SPAG17: variants seen among roughly 807,000 people sequenced by gnomAD.
SPAG17 encodes sperm-associated antigen 17.
Under a neutral mutation model 273.6 loss-of-function variants are expected in SPAG17, and 169 were observed. The ratio of observed to expected loss-of-function variants is 0.62; its 90% CI spans 0.55 to 0.70. The LOEUF (loss-of-function observed/expected upper bound fraction) is 0.70, where lower values mean the gene tolerates loss of function less well. Ranked by LOEUF, SPAG17 falls within the 30% of genes least tolerant of loss-of-function variation. SPAG17 has a pLI of 0.00. For synonymous variants in SPAG17, 825 were observed against 873.2 expected, an observed-to-expected ratio of 0.94 and a Z score of 0.97; for missense variants, 2,557 against 2,627.8, an observed-to-expected ratio of 0.97 and a Z score of 0.59.
At chr1:118,147,473 A>AT (rs1558045144) in intron 3 of SPAG17, among the ~76,000 whole-genome samples, 1 of 151,590 alleles carries the variant, frequency 6.6e-6, no homozygotes, top group Non-Finnish European at 1.5e-5. Flanking sequence ...TACACAAATA[A>AT]TAATATTCTG....
In SPAG17 at chr1:117,990,909, G is replaced by A; in HGVS notation, c.5476-3C>T. On this transcript the variant is annotated splice_region_variant and splice_polypyrimidine_tract_variant and intron_variant, in intron 37 of 48. Transcript: ENST00000336338. ...GTTTCCTCCATTTTAGGGAAAGACT[G>A]AAATGAAGATAGAATTACTTATGAT... The A allele has an allele frequency of 6.5e-7, 1 of 1,542,952 alleles. No individual in the cohort carries two copies. The highest frequency in any genetic ancestry group is 1.4e-5 in the African/African-American group (1 of 72,460).
intron 15 of SPAG17, among the ~76,000 whole-genome samples, chr1:118,075,048 C>G (rs1006100809): frequency 6.6e-6 from 1 of 152,134 alleles, no homozygotes; most frequent in Admixed American, 6.6e-5. Flanking sequence ...GCAGGCCATG[C>G]GTGCAAAGAG....
chr1:118,087,807 G>T (rs1237573004), intron 10 of SPAG17, among the ~76,000 whole-genome samples: 1 of 152,058 alleles, frequency 6.6e-6, no homozygotes, highest in Non-Finnish European at 1.5e-5. Flanking sequence ...AGTTTCCTCA[G>T]CCTTGGCATT....
chr1:118,036,705 A>G, intron 24 of SPAG17, 65 bp downstream of exon 24: 1 of 1,035,098 alleles, frequency 9.7e-7, no homozygotes, highest in Non-Finnish European at 1.5e-6. Context: ...GCAGACTGAG[A>G]ATGGGCAGTG....
At chr1:117,981,174 T>C in intron 43 of SPAG17, 96 bp downstream of exon 43, 2 of 1,353,304 alleles carry the variant, frequency 1.5e-6, no homozygotes, top group Non-Finnish European at 2.0e-6. Flanking sequence ...TTTTTTTCTG[T>C]AACTCTCAAC....
intron 3 of SPAG17, among the ~76,000 whole-genome samples, chr1:118,132,504 T>C (rs768832630): frequency 6.6e-6 from 1 of 152,204 alleles, no homozygotes; most frequent in Admixed American, 6.5e-5. Context: ...CCCCAGGCTT[T>C]ATTAGATATT....
At chr1:117,970,311 C>G (rs1177325589) in intron 45 of SPAG17, among the ~76,000 whole-genome samples, 195 bp from the exon 46 acceptor site, 3 of 152,222 alleles carry the variant, frequency 2.0e-5, no homozygotes, top group Non-Finnish European at 4.4e-5. Flanking sequence ...GCCTTTCCAA[C>G]AGTTTTCATC....
At chr1:118,046,354 TATAA>T (rs1422221999) in intron 20 of SPAG17, among the ~76,000 whole-genome samples, 3 of 151,692 alleles carry the variant, frequency 2.0e-5, no homozygotes, top group Admixed American at 6.6e-5. Flanking sequence ...AAAAATAAAA[TATAA>T]ATAAATAAAT....
At position 118,074,402 on chromosome 1, in the gene SPAG17, C is replaced by T. The variant is rs184193975; in HGVS notation, c.2271+137G>A. ...CAGTTGGAGCTGCTCTGGGGATGTC[C>T]GAATAGTTCCTCTTTTCTAGCCTCA... On this transcript the variant is annotated intron_variant, in intron 16 of 48. Transcript: ENST00000336338. The T allele has an allele frequency of 8.4e-4, 648 of 772,596 alleles. No individual in the cohort carries two copies. In the African/African-American group the frequency reaches 9.8e-3, roughly 12 times the overall value. 47.9% of individuals were successfully genotyped at this position (772,596 alleles called of 1,614,324 possible). A position where few individuals can be genotyped will look rare whatever the true frequency, so the allele number is the denominator to read the frequency against.
In SPAG17 at chr1:118,025,312, C is replaced by G; in HGVS notation, c.3835G>C (p.Ala1279Pro). ...ATAACCCTTGAAGCCTCCTGCTCTG[C>G]GGGTGGCATCACCGTTTTATAGAAC... ...YEFYKTVMPPAEQEASRVITS... is the reference protein window; with the variant it reads ...YEFYKTVMPPPEQEASRVITS... The change falls in exon 27 of 49, where the codon GCA (alanine) becomes CCA (proline). Residue 1279 changes from alanine (A) to proline (P), a missense_variant. Coordinates refer to ENST00000336338, the MANE Select transcript of SPAG17 (RefSeq NM_206996.4). The G allele has an allele frequency of 6.2e-7, 1 of 1,613,576 alleles. No homozygotes were observed. Among genetic ancestry groups the G allele is most frequent in the Non-Finnish European group, 8.5e-7 (1 of 1,179,742 alleles).
intron 4 of SPAG17, among the ~76,000 whole-genome samples, chr1:118,107,686 T>C (rs1427675261): frequency 6.6e-6 from 1 of 152,100 alleles, no homozygotes; most frequent in Non-Finnish European, 1.5e-5. Context: ...AGGACCCTTA[T>C]AAATCCTTAT....
At chr1:118,063,344 G>A (rs550784776) in intron 18 of SPAG17, among the ~76,000 whole-genome samples, 5 of 152,186 alleles carry the variant, frequency 3.3e-5, no homozygotes, top group African/African-American at 1.2e-4. Context: ...ATACTACAAG[G>A]CTACAGTAAC....
In SPAG17 at chr1:118,156,589, A is replaced by G. The variant is rs1659661548; in HGVS notation, c.88-5220T>C. Among the ~76,000 whole-genome samples the G allele has an allele frequency of 5.3e-5, 8 of 152,176 alleles. No homozygotes were observed. The South Asian group carries it at 8.3e-4, about 16-fold the overall frequency. On this transcript the variant is annotated intron_variant, in intron 1 of 48. Transcript: ENST00000336338. The stretch of plus-strand genomic sequence containing the variant: ...CATATTTCCCAGGAGTGACTTAGAC[A>G]TGCAAGCAGATGTCAGGGGAAGGAG...
At chr1:118,175,417 A>G (rs1323547895) in intron 1 of SPAG17, among the ~76,000 whole-genome samples, 1 of 152,124 alleles carries the variant, frequency 6.6e-6, no homozygotes, top group African/African-American at 2.4e-5. Context: ...GGCATAGAAT[A>G]ATCAAACTCT....
At position 118,142,052 on chromosome 1, in the gene SPAG17, C is replaced by CACTTGTTCCTTAA. The variant is rs1373862167; in HGVS notation, c.315+8490_315+8491insTTAAGGAACAAGT. 4.4e-3 allele frequency among the ~76,000 whole-genome samples: 666 copies of CACTTGTTCCTTAA among 152,260 alleles called. 1 individual carries two copies. Among genetic ancestry groups the CACTTGTTCCTTAA allele is most frequent in the Middle Eastern group, 0.014 (4 of 294 alleles). ...TCCTCACAATGTGAACACCCACGTT[C>CACTTGTTCCTTAA]ATAGCAGAGCTAAGAGGTGGAAGCA... is the stretch of plus-strand genomic sequence containing the variant. On this transcript the variant is annotated intron_variant, in intron 3 of 48. Coordinates refer to ENST00000336338, the MANE Select transcript of SPAG17 (RefSeq NM_206996.4).
intron 25 of SPAG17, among the ~76,000 whole-genome samples, chr1:118,031,103 C>G (rs1221054964): frequency 2.1e-5 from 3 of 141,424 alleles, no homozygotes; most frequent in African/African-American, 8.0e-5. Flanking sequence ...TTTATTAGAT[C>G]TTTGTTTAGA....
In SPAG17 at chr1:118,041,907, T is replaced by C; in HGVS notation, c.2950A>G (p.Lys984Glu). The change falls in exon 21 of 49, where the codon AAG (lysine) becomes GAG (glutamate). Residue 984 changes from lysine (K) to glutamate (E), a missense_variant. Lys to Glu is a moderately conservative substitution (Grantham distance 56). Transcript: ENST00000336338. ...NAEKEDSRSLKKKSPYKEKSK... is the reference protein window; with the variant it reads ...NAEKEDSRSLEKKSPYKEKSK... ...TTCTCCTTGTAAGGTGATTTTTTCTTCAAAGACCTACTATCCTCTTTCTCT... is the reference window on the plus strand; with the variant it reads ...TTCTCCTTGTAAGGTGATTTTTTCTCCAAAGACCTACTATCCTCTTTCTCT... 6.2e-7 allele frequency: 1 copy of C among 1,613,998 alleles called. No individual in the cohort carries two copies. Among genetic ancestry groups the C allele is most frequent in the Non-Finnish European group, 8.5e-7 (1 of 1,179,908 alleles).
intron 18 of SPAG17, among the ~76,000 whole-genome samples, chr1:118,063,056 T>G (rs1652519597): frequency 6.6e-6 from 1 of 152,180 alleles, no homozygotes. Context: ...CAAGGAGAAC[T>G]ACAAACCAGT....
At chr1:118,149,567 G>A (rs1482710278) in intron 3 of SPAG17, among the ~76,000 whole-genome samples, 1 of 152,158 alleles carries the variant, frequency 6.6e-6, no homozygotes, top group Non-Finnish European at 1.5e-5. Context: ...AGATAACTTT[G>A]GCATGATGGT....
Sources: allele counts gnomAD v4.1 joint callset (sites outside exome capture counted in the v4.1 genomes callset), GRCh38; gene constraint gnomAD v4.1.1; transcripts MANE v1.5; gene names NCBI Gene and HGNC (gene_info 2026-07-23, HGNC 2026-07-21).